The following MIB1 variants were observed in gnomAD, a reference collection of about 807,000 sequenced individuals.
MIB1 encodes MIB E3 ubiquitin protein ligase 1, also known as E3 ubiquitin-protein ligase MIB1.
A neutral mutation model predicts 124.5 loss-of-function variants in MIB1; 278 were observed. The observed-to-expected ratio is 2.23, with a 90% confidence interval of 2.02 to 2.47. The LOEUF is 2.47. Among genes scored for constraint, MIB1 ranks in the 30% most tolerant of loss-of-function variants. MIB1 has a pLI of 0.00. For synonymous variants in MIB1, 446 were observed against 429.4 expected, an observed-to-expected ratio of 1.04 and a Z score of -0.48; for missense variants, 957 against 1,254.4, an observed-to-expected ratio of 0.76 and a Z score of 3.58.
At chr18:21,828,856 C>A in intron 12 of MIB1, 1 of 264,056 alleles carries the variant, frequency 3.8e-6, no homozygotes, top group East Asian at 1.3e-4. Context: ...TTCTATCTAT[C>A]AGTAGTAGAT....
chr18:21,763,905 A>G (rs2041126788), intron 1 of MIB1, among the ~76,000 whole-genome samples: 2 of 150,606 alleles, frequency 1.3e-5, no homozygotes, highest in Non-Finnish European at 1.5e-5. Context: ...TTTTCTCCAC[A>G]CTGCAGCAGG....
chr18:21,837,838 C>T (rs779666754), intron 12 of MIB1, among the ~76,000 whole-genome samples: 8 of 152,166 alleles, frequency 5.3e-5, no homozygotes, highest in Non-Finnish European at 7.3e-5. Context: ...CAATAATCGT[C>T]AGCTAAGATG....
At chr18:21,790,702 A>G (rs550553151) in intron 6 of MIB1, among the ~76,000 whole-genome samples, 2 of 152,342 alleles carry the variant, frequency 1.3e-5, no homozygotes, top group African/African-American at 2.4e-5. Flanking sequence ...TGGGATGGGA[A>G]TGGTGATCCA....
At chr18:21,754,852 T>C (rs2146391819) in intron 1 of MIB1, among the ~76,000 whole-genome samples, 1 of 152,334 alleles carries the variant, frequency 6.6e-6, no homozygotes, top group South Asian at 2.1e-4. Flanking sequence ...AGAAATCTGT[T>C]CCAGTTGGCA....
chr18:21,845,944 T>G (rs2042131070), intron 15 of MIB1, among the ~76,000 whole-genome samples: 1 of 152,208 alleles, frequency 6.6e-6, no homozygotes, highest in Non-Finnish European at 1.5e-5. Flanking sequence ...CTTTTTCTAC[T>G]GAATTGCCAG....
Position 21,773,827 on chromosome 18 carries a change from C to T in MIB1, c.636+99C>T. 3 of 687,652 alleles carry T rather than the reference C, an allele frequency of 4.4e-6. No homozygotes were observed. The South Asian group carries it at 6.4e-5, about 15-fold the overall frequency. 42.6% of individuals were successfully genotyped at this position (687,652 alleles called of 1,614,324 possible). On this transcript the variant is annotated intron_variant, in intron 4 of 20. Coordinates refer to ENST00000261537, the MANE Select transcript of MIB1 (RefSeq NM_020774.4). The stretch of plus-strand genomic sequence containing the variant: ...TTTTTCCTTTGTCATCTCCCTTTGT[C>T]AGAACCTTTACGTTTTTACTATGTT...
intron 12 of MIB1, among the ~76,000 whole-genome samples, chr18:21,832,560 G>T (rs916879206): frequency 7.2e-5 from 11 of 152,114 alleles, no homozygotes; most frequent in African/African-American, 2.4e-4. Flanking sequence ...ATGCAGAAGA[G>T]AAACCAGCTA....
At chr18:21,768,584 T>C in intron 2 of MIB1, 39 bp from the exon 3 acceptor site, 1 of 1,394,038 alleles carries the variant, frequency 7.2e-7, no homozygotes, top group Non-Finnish European at 9.7e-7. Context: ...TTGTTACCTA[T>C]TTTTATATAA....
Position 21,765,944 on chromosome 18 carries a change from G to C in MIB1, c.401+1G>C, listed in dbSNP as rs1348207694. On this transcript the variant is annotated splice_donor_variant, in intron 2 of 20. Transcript: ENST00000261537. LOFTEE classifies it high-confidence loss of function. ...GAATTACTACACCGGGAAGTGAGAG[G>C]TAGGGAGAACCCTTTTCTTCTTCAA... The C allele has an allele frequency of 1.2e-6, 2 of 1,613,818 alleles. No individual in the cohort carries two copies. Among genetic ancestry groups the C allele is most frequent in the Admixed American group, 1.7e-5 (1 of 60,008 alleles).
chr18:21,838,822 C>A (rs2042057332), intron 13 of MIB1, among the ~76,000 whole-genome samples: 1 of 152,174 alleles, frequency 6.6e-6, no homozygotes, highest in African/African-American at 2.4e-5. Context: ...TATCATCAAC[C>A]AGAGCACCAA....
In MIB1 at chr18:21,815,995, G is replaced by A. The variant is rs2959512; in HGVS notation, c.1677+182G>A. ...TTTTTTAAAAAGTTGTTTTTTTTTA[G>A]GGAAAATGCCAATAGATTGGGTTTT... On this transcript the variant is annotated intron_variant, in intron 11 of 20. Coordinates refer to ENST00000261537, the MANE Select transcript of MIB1 (RefSeq NM_020774.4). Among the ~76,000 whole-genome samples the A allele has an allele frequency of 0.068, 10,378 of 151,966 alleles. 752 individuals carry two copies. Among genetic ancestry groups the A allele is most frequent in the African/African-American group, 0.18 (7,413 of 41,418 alleles).
intron 6 of MIB1, among the ~76,000 whole-genome samples, chr18:21,787,574 CTG>C (rs1190718350): frequency 6.6e-6 from 1 of 152,032 alleles, no homozygotes; most frequent in Non-Finnish European, 1.5e-5. Flanking sequence ...AGTGTAGAGA[CTG>C]TGATTCCTGG....
At chr18:21,728,313 T>C (rs139390655) in intron 1 of MIB1, among the ~76,000 whole-genome samples, 9 of 152,078 alleles carry the variant, frequency 5.9e-5, no homozygotes, top group Non-Finnish European at 1.2e-4. Context: ...GCCAACATGG[T>C]GAAACCCCGT....
At chr18:21,843,006 C>T (rs140928830) in intron 13 of MIB1, 125 bp from the exon 14 acceptor site, 2 of 604,202 alleles carry the variant, frequency 3.3e-6, no homozygotes, top group East Asian at 3.4e-5. Context: ...AATAACATTG[C>T]AGCAGCTGAA....
intron 1 of MIB1, among the ~76,000 whole-genome samples, chr18:21,733,960 T>A (rs1172433839): frequency 6.6e-6 from 1 of 152,086 alleles, no homozygotes; most frequent in Admixed American, 6.6e-5. Context: ...TCTCATCCTT[T>A]CTTAAAATGA....
intron 7 of MIB1, among the ~76,000 whole-genome samples, chr18:21,795,219 ATGAC>A (rs967221940): frequency 1.5e-4 from 22 of 147,874 alleles, no homozygotes; most frequent in African/African-American, 5.2e-4. Flanking sequence ...GGACACATGA[ATGAC>A]TAATTTCAGT....
chr18:21,819,786 T>G (rs1305749034), intron 12 of MIB1, 140 bp downstream of exon 12: 14 of 454,808 alleles, frequency 3.1e-5, no homozygotes, highest in Non-Finnish European at 4.1e-5. Context: ...ATATTATGCC[T>G]TTAGTTTTAT....
intron 1 of MIB1, among the ~76,000 whole-genome samples, chr18:21,731,661 G>C (rs1189694895): frequency 6.6e-6 from 1 of 150,808 alleles, no homozygotes; most frequent in Admixed American, 6.6e-5. Flanking sequence ...GAACCCGGGA[G>C]GCAGAGCTTG....
chr18:21,759,227 GTGTATATATATATA>G (rs2041069239), intron 1 of MIB1, among the ~76,000 whole-genome samples: 5 of 150,102 alleles, frequency 3.3e-5, no homozygotes, highest in South Asian at 2.1e-4. Context: ...GTATATATAT[GTGTATATATATATA>G]TGTATATATA....
Sources: gnomAD v4.1 joint callset for allele counts (sites outside exome capture counted in the v4.1 genomes callset) on GRCh38, gnomAD v4.1.1 for gene constraint, MANE v1.5 for transcripts, NCBI Gene and HGNC (gene_info 2026-07-23, HGNC 2026-07-21) for gene names.